Variants in CTNND2 observed in about 807,000 individuals in gnomAD.
CTNND2 encodes catenin delta-2.
Under a neutral mutation model 144.4 loss-of-function variants are expected in CTNND2, and 22 were observed. The observed-to-expected ratio is 0.15, with a 90% CI of 0.11 to 0.22. The LOEUF is 0.22. Ranked by LOEUF, CTNND2 falls within the 10% of genes least tolerant of loss-of-function variation. The pLI, the probability that CTNND2 is intolerant of heterozygous loss-of-function variation, is 1.00. For synonymous variants in CTNND2, 751 were observed against 695.6 expected (o/e 1.08, Z -1.25); for missense variants, 1,353 against 1,618.8 (o/e 0.84, Z 2.82).
chr5:11,424,037 G>A (rs1394439492), intron 3 of CTNND2, among the ~76,000 whole-genome samples: 1 of 152,076 alleles, frequency 6.6e-6, no homozygotes, highest in Non-Finnish European at 1.5e-5. Flanking sequence ...GAGCAATACT[G>A]GCCTTTTGAC....
chr5:11,524,112 G>A (rs552773209), intron 3 of CTNND2, among the ~76,000 whole-genome samples: 70 of 152,242 alleles, frequency 4.6e-4, no homozygotes, highest in African/African-American at 1.6e-3. Flanking sequence ...GGCAGGAGGT[G>A]GGCTGTGAAG....
At chr5:11,853,402 AT>A (rs1171729636) in intron 1 of CTNND2, among the ~76,000 whole-genome samples, 1 of 152,040 alleles carries the variant, frequency 6.6e-6, no homozygotes, top group Non-Finnish European at 1.5e-5. Context: ...CATCCCAATC[AT>A]GCTCACACCA....
intron 3 of CTNND2, among the ~76,000 whole-genome samples, chr5:11,442,843 TATAATATA>T (rs1764392385): frequency 8.1e-6 from 1 of 123,508 alleles, no homozygotes; most frequent in South Asian, 2.7e-4. Context: ...TATAATTTTA[TATAATATA>T]ATGATTATAT....
intron 9 of CTNND2, among the ~76,000 whole-genome samples, chr5:11,319,931 C>A (rs574243853): frequency 1.3e-5 from 2 of 152,194 alleles, no homozygotes; most frequent in Non-Finnish European, 2.9e-5. Flanking sequence ...AAATGCATAA[C>A]GTGTTTCCTG....
chr5:10,972,351 AAAAC>A lies in CTNND2; in HGVS notation c.*1098_*1101del, dbSNP rs1735934684. ...GATGTACATTTATACTAAAAAACCA[AAAAC>A]AAAGTTTGTACAAGATGAACAGCAA... On this transcript the variant is annotated 3_prime_UTR_variant, in exon 22 of 22. Coordinates refer to ENST00000304623, the MANE Select transcript of CTNND2 (RefSeq NM_001332.4). 1 of 152,350 alleles carries A rather than the reference AAAAC, an allele frequency of 6.6e-6. No homozygotes were observed. Among genetic ancestry groups the A allele is most frequent in the African/African-American group, 2.4e-5 (1 of 41,460 alleles). 9.4% of individuals were successfully genotyped at this position (152,350 alleles called of 1,614,324 possible).
chr5:11,638,336 A>G (rs1389956712), intron 2 of CTNND2, among the ~76,000 whole-genome samples: 1 of 152,152 alleles, frequency 6.6e-6, no homozygotes, highest in African/African-American at 2.4e-5. Context: ...TTTTTTACTT[A>G]TGGTATAATT....
rs553181943 is a variant in CTNND2, at chr5:11,029,611, A to G, written c.2789-6632T>C. On this transcript the variant is annotated intron_variant, in intron 16 of 21. Coordinates refer to ENST00000304623, the MANE Select transcript of CTNND2 (RefSeq NM_001332.4). ...TGATGTCACACAATTACATCTTTAA[A>G]CATTGTGTGTCCAAAAACATAAATA... Among the ~76,000 whole-genome samples the G allele has an allele frequency of 1.5e-4, 23 of 152,328 alleles. No individual in the cohort carries two copies. In the South Asian group the frequency reaches 4.8e-3, roughly 32 times the overall value.
intron 3 of CTNND2, among the ~76,000 whole-genome samples, chr5:11,428,769 T>A (rs1415628219): frequency 3.9e-5 from 6 of 152,240 alleles, no homozygotes; most frequent in Admixed American, 6.5e-5. Context: ...ACAACACTTT[T>A]ATTCAACTTT....
intron 2 of CTNND2, among the ~76,000 whole-genome samples, chr5:11,634,263 G>C (rs1781569058): frequency 6.6e-6 from 1 of 152,168 alleles, no homozygotes; most frequent in African/African-American, 2.4e-5. Context: ...GGGAACCTGA[G>C]CAAGACCATA....
At chr5:11,086,178 T>C (rs1750116681) in intron 15 of CTNND2, among the ~76,000 whole-genome samples, 1 of 152,036 alleles carries the variant, frequency 6.6e-6, no homozygotes, top group African/African-American at 2.4e-5. Context: ...GAGCAGACGG[T>C]GCCTCTCTGG....
intron 1 of CTNND2, among the ~76,000 whole-genome samples, chr5:11,880,860 T>TA (rs1336641656): frequency 1.6e-5 from 2 of 125,988 alleles, no homozygotes; most frequent in African/African-American, 5.9e-5. Flanking sequence ...CCACTACTAC[T>TA]ACCACTACTA....
chr5:11,300,136 A>G (rs761049598), intron 9 of CTNND2, among the ~76,000 whole-genome samples: 1 of 152,152 alleles, frequency 6.6e-6, no homozygotes, highest in African/African-American at 2.4e-5. Context: ...GACACCATCA[A>G]TCCTGTGGTT....
intron 10 of CTNND2, among the ~76,000 whole-genome samples, chr5:11,220,373 G>A (rs760555654): frequency 2.0e-5 from 3 of 152,112 alleles, no homozygotes; most frequent in African/African-American, 4.8e-5. Flanking sequence ...CCAGGCAGTC[G>A]GTGAAGTCTG....
intron 3 of CTNND2, among the ~76,000 whole-genome samples, chr5:11,509,463 G>A (rs1771420355): frequency 6.6e-6 from 1 of 151,760 alleles, no homozygotes; most frequent in South Asian, 2.1e-4. Flanking sequence ...AAACTTTAAG[G>A]GCAAAAAAGG....
chr5:11,449,793 T>C (rs1421904757), intron 3 of CTNND2, among the ~76,000 whole-genome samples: 1 of 152,192 alleles, frequency 6.6e-6, no homozygotes, highest in Admixed American at 6.5e-5. Flanking sequence ...TCATTCAGAG[T>C]GAAGATAGTT....
intron 3 of CTNND2, among the ~76,000 whole-genome samples, chr5:11,528,968 A>G (rs1164960176): frequency 6.6e-6 from 1 of 152,224 alleles, no homozygotes; most frequent in Non-Finnish European, 1.5e-5. Flanking sequence ...ATCTTCTCAC[A>G]GAGGCCGGCG....
chr5:11,047,201 C>A (rs1249725990), intron 16 of CTNND2, among the ~76,000 whole-genome samples: 1 of 152,172 alleles, frequency 6.6e-6, no homozygotes, highest in Non-Finnish European at 1.5e-5. Context: ...GCACATGGCA[C>A]TCCGGCTGCT....
At chr5:11,037,332 G>A (rs1744195018) in intron 16 of CTNND2, among the ~76,000 whole-genome samples, 1 of 152,166 alleles carries the variant, frequency 6.6e-6, no homozygotes, top group East Asian at 1.9e-4. Flanking sequence ...AAATACCCCT[G>A]CCAAAACCAT....
chr5:11,120,802 T>G (rs555028248), intron 12 of CTNND2, among the ~76,000 whole-genome samples: 2 of 152,378 alleles, frequency 1.3e-5, no homozygotes, highest in East Asian at 3.9e-4. Flanking sequence ...GCAGGCATGA[T>G]GAGGCTCAGT....
Sources: gnomAD v4.1 joint callset for allele counts (sites outside exome capture counted in the v4.1 genomes callset) on GRCh38, gnomAD v4.1.1 for gene constraint, MANE v1.5 for transcripts, NCBI Gene and HGNC (gene_info 2026-07-23, HGNC 2026-07-21) for gene names.